Variants in SPATA16 observed in about 807,000 individuals in gnomAD.
SPATA16 encodes the protein spermatogenesis-associated protein 16.
SPATA16 carries 36 observed loss-of-function variants against 63.3 expected under a neutral mutation model. The ratio of observed to expected loss-of-function variants is 0.57; its 90% CI spans 0.44 to 0.75. The LOEUF (loss-of-function observed/expected upper bound fraction) is 0.75, where lower values mean the gene tolerates loss of function less well. Ranked by LOEUF, SPATA16 falls within the 30% of genes least tolerant of loss-of-function variation. The pLI is 0.00. For synonymous variants in SPATA16, 203 were observed against 216.7 expected, an observed-to-expected ratio of 0.94 and a Z score of 0.56; for missense variants, 646 against 679.3, an observed-to-expected ratio of 0.95 and a Z score of 0.54.
intron 2 of SPATA16, among the ~76,000 whole-genome samples, chr3:173,070,813 G>A (rs1418137827): frequency 6.6e-6 from 1 of 152,096 alleles, no homozygotes; most frequent in African/African-American, 2.4e-5. Context: ...AATTGAAGAG[G>A]ACACAAAACA....
At chr3:173,059,774 T>C (rs1297746112) in intron 2 of SPATA16, among the ~76,000 whole-genome samples, 2 of 151,776 alleles carry the variant, frequency 1.3e-5, no homozygotes, top group Admixed American at 1.3e-4. Context: ...TATGCATTTC[T>C]TTTCCCATCC....
chr3:173,097,168 A>G (rs531924416), intron 2 of SPATA16, among the ~76,000 whole-genome samples: 16 of 152,254 alleles, frequency 1.1e-4, no homozygotes, highest in Middle Eastern at 3.4e-3. Flanking sequence ...TCACATATCC[A>G]TGCTCTAGAT....
At chr3:173,009,547 C>G (rs1179625784) in intron 4 of SPATA16, among the ~76,000 whole-genome samples, 1 of 152,204 alleles carries the variant, frequency 6.6e-6, no homozygotes, top group Non-Finnish European at 1.5e-5. Flanking sequence ...CCCAGAGCAC[C>G]CTAGAGCCAG....
At chr3:172,949,277 G>A (rs1353602655) in intron 6 of SPATA16, among the ~76,000 whole-genome samples, 1 of 152,142 alleles carries the variant, frequency 6.6e-6, no homozygotes, top group African/African-American at 2.4e-5. Flanking sequence ...TACTTTAGTT[G>A]TAAAATGCAG....
At chr3:173,061,634 A>G (rs1736380836) in intron 2 of SPATA16, among the ~76,000 whole-genome samples, 1 of 152,218 alleles carries the variant, frequency 6.6e-6, no homozygotes, top group African/African-American at 2.4e-5. Flanking sequence ...TTCAATTTCA[A>G]TAAATATCTT....
At position 173,124,619 on chromosome 3, in the gene SPATA16, A is replaced by C. The variant is rs192742549; in HGVS notation, c.-18-6870T>G. Among the ~76,000 whole-genome samples, 1,292 of 152,316 alleles carry C rather than the reference A, an allele frequency of 8.5e-3. 11 individuals carry two copies. Among genetic ancestry groups the C allele is most frequent in the South Asian group, 0.034 (164 of 4,822 alleles). ...TTTTCTTTTAAGAAAAACAACAACAACAAAAAACTCCCTTGACTTTCATAT... is the reference window on the plus strand; with the variant it reads ...TTTTCTTTTAAGAAAAACAACAACACCAAAAAACTCCCTTGACTTTCATAT... On this transcript the variant is annotated intron_variant, in intron 1 of 10. Transcript: ENST00000351008.
chr3:172,963,318 T>C (rs1356679560), intron 5 of SPATA16, among the ~76,000 whole-genome samples: 1 of 152,116 alleles, frequency 6.6e-6, no homozygotes, highest in Non-Finnish European at 1.5e-5. Context: ...AATATTTAAA[T>C]TTTACTTGCA....
chr3:172,994,946 T>A (rs1171321862), intron 4 of SPATA16, among the ~76,000 whole-genome samples: 2 of 152,226 alleles, frequency 1.3e-5, no homozygotes, highest in African/African-American at 4.8e-5. Flanking sequence ...TTGCTTGAAA[T>A]GCCTGTAATA....
At chr3:172,915,653 G>T (rs188249188) in intron 9 of SPATA16, among the ~76,000 whole-genome samples, 272 of 152,108 alleles carry the variant, frequency 1.8e-3, no homozygotes, top group Non-Finnish European at 3.5e-3. Flanking sequence ...ATTAATTATG[G>T]TTATAATATG....
intron 6 of SPATA16, among the ~76,000 whole-genome samples, chr3:172,930,553 C>CTTTTTTT (rs34780432): frequency 3.7e-4 from 32 of 87,382 alleles, no homozygotes; most frequent in African/African-American, 1.2e-3. Context: ...CATTCAAACT[C>CTTTTTTT]TTTTTTTTTT....
chr3:172,896,501 G>C (rs1403530222), intron 10 of SPATA16, among the ~76,000 whole-genome samples: 1 of 152,290 alleles, frequency 6.6e-6, no homozygotes. Flanking sequence ...GATTACAGGC[G>C]TGAGCCACCG....
At chr3:172,951,207 T>C (rs1733422682) in intron 6 of SPATA16, among the ~76,000 whole-genome samples, 1 of 152,092 alleles carries the variant, frequency 6.6e-6, no homozygotes, top group South Asian at 2.1e-4. Flanking sequence ...AAATCAGTAA[T>C]TTTTTTCTCC....
At chr3:173,025,045 A>T (rs1463224500) in intron 3 of SPATA16, among the ~76,000 whole-genome samples, 1 of 150,900 alleles carries the variant, frequency 6.6e-6, no homozygotes, top group Non-Finnish European at 1.5e-5. Context: ...TTCAATTTCA[A>T]AAGGGTATTT....
intron 2 of SPATA16, among the ~76,000 whole-genome samples, chr3:173,080,676 G>C (rs1318355565): frequency 2.1e-4 from 32 of 152,126 alleles, no homozygotes. Context: ...TTCTAATCTT[G>C]CCAAGGTTTT....
chr3:172,895,848 A>G (rs1275138299), intron 10 of SPATA16, among the ~76,000 whole-genome samples: 1 of 152,234 alleles, frequency 6.6e-6, no homozygotes, highest in African/African-American at 2.4e-5. Context: ...TTATTGTAAA[A>G]TAAGTTACAA....
chr3:173,024,746 A>G (rs1204984053), intron 3 of SPATA16, among the ~76,000 whole-genome samples: 6 of 150,786 alleles, frequency 4.0e-5, no homozygotes, highest in African/African-American at 1.2e-4. Context: ...AGGTTTAGCT[A>G]TTAATTCTAC....
intron 10 of SPATA16, among the ~76,000 whole-genome samples, chr3:172,890,346 A>G (rs1175028678): frequency 1.5e-5 from 2 of 135,054 alleles, no homozygotes; most frequent in African/African-American, 4.9e-5. Context: ...AGAATGTAGT[A>G]TACTGTTTGT....
At chr3:173,103,311 T>TG (rs954236875) in intron 2 of SPATA16, among the ~76,000 whole-genome samples, 15 of 152,156 alleles carry the variant, frequency 9.9e-5, no homozygotes, top group African/African-American at 3.6e-4. Flanking sequence ...GAACTCTGTG[T>TG]GGGGGGTCCA....
At chr3:172,926,208 G>A (rs1049239123) in intron 6 of SPATA16, among the ~76,000 whole-genome samples, 2 of 152,036 alleles carry the variant, frequency 1.3e-5, no homozygotes, top group Non-Finnish European at 2.9e-5. Context: ...AATTACAAGT[G>A]AGAATTAAAA....
Sources: gnomAD v4.1 joint callset for allele counts (sites outside exome capture counted in the v4.1 genomes callset) on GRCh38, gnomAD v4.1.1 for gene constraint, MANE v1.5 for transcripts, NCBI Gene and HGNC (gene_info 2026-07-23, HGNC 2026-07-21) for gene names.